KPNA6: variants seen among roughly 807,000 people sequenced by gnomAD.
KPNA6 encodes karyopherin subunit alpha 6.
KPNA6 carries 9 observed loss-of-function variants against 72.0 expected under a neutral mutation model. The ratio of observed to expected loss-of-function variants is 0.13; its 90% CI spans 0.08 to 0.22. The LOEUF is 0.22. Ranked by LOEUF, KPNA6 falls within the 10% of genes least tolerant of loss-of-function variation. The pLI is 1.00. For missense variants in KPNA6, 374 were observed against 655.7 expected, an observed-to-expected ratio of 0.57 and a Z score of 4.69; for synonymous variants, 219 against 242.1, an observed-to-expected ratio of 0.90 and a Z score of 0.89.
chr1:32,158,448 T>C, intron 5 of KPNA6, 87 bp downstream of exon 5: 2 of 750,794 alleles, frequency 2.7e-6, no homozygotes, highest in Non-Finnish European at 4.5e-6. Context: ...ATACATGAGA[T>C]GTTTTGACAC....
intron 1 of KPNA6, among the ~76,000 whole-genome samples, chr1:32,145,142 G>A (rs1641908196): frequency 6.6e-6 from 1 of 151,416 alleles, no homozygotes; most frequent in African/African-American, 2.4e-5. Flanking sequence ...TGTATTTTTA[G>A]TAGAGGCGGG....
rs540449818 is a variant in KPNA6, at chr1:32,108,105, G to A, written c.-26G>A. On this transcript the variant is annotated 5_prime_UTR_variant, in exon 1 of 14. Coordinates refer to ENST00000373625, the MANE Select transcript of KPNA6 (RefSeq NM_012316.5). ...TGAAGCTGCCGCCGTTGCCTCCGCCGCCAAGAGTGAGCGAGCGGACCCGCG... is the reference window on the plus strand; with the variant it reads ...TGAAGCTGCCGCCGTTGCCTCCGCCACCAAGAGTGAGCGAGCGGACCCGCG... 2.2e-5 allele frequency: 36 copies of A among 1,613,904 alleles called. No individual in the cohort carries two copies. In the South Asian group the frequency reaches 3.5e-4, roughly 16 times the overall value.
At chr1:32,162,867 G>A (rs1379284284) in intron 9 of KPNA6, among the ~76,000 whole-genome samples, 2 of 150,322 alleles carry the variant, frequency 1.3e-5, no homozygotes, top group Non-Finnish European at 3.0e-5. Flanking sequence ...CACTTTGGGA[G>A]GCTGAGGCGG....
chr1:32,159,270 T>C (rs1642196327), intron 5 of KPNA6, 130 bp from the exon 6 acceptor site: 1 of 893,588 alleles, frequency 1.1e-6, no homozygotes, highest in Non-Finnish European at 1.7e-6. Flanking sequence ...AGAGGCTTGC[T>C]TGTGTTTTGT....
At chr1:32,122,023 CA>C (rs1362296242) in intron 1 of KPNA6, among the ~76,000 whole-genome samples, 2 of 151,466 alleles carry the variant, frequency 1.3e-5, no homozygotes, top group African/African-American at 2.4e-5. Flanking sequence ...CCTGTAATCC[CA>C]GCAGTTTGGG....
intron 1 of KPNA6, among the ~76,000 whole-genome samples, chr1:32,150,431 C>T (rs12143813): frequency 0.023 from 3,427 of 151,836 alleles, 60 homozygotes; most frequent in Non-Finnish European, 0.033. Context: ...CCATGCCCTG[C>T]CAATTTTTAG....
intron 1 of KPNA6, chr1:32,142,806 T>C (rs1641862206): frequency 2.3e-6 from 1 of 429,602 alleles, no homozygotes; most frequent in Non-Finnish European, 3.9e-6. Flanking sequence ...ATCCCTGAGA[T>C]TCCAGATGTG....
rs1642259050 is a variant in KPNA6, at chr1:32,162,619, A to T, written c.911+95A>T. The T allele has an allele frequency of 3.7e-6, 5 of 1,367,764 alleles. No homozygotes were observed. The South Asian group carries it at 4.8e-5, about 13-fold the overall frequency. 84.7% of individuals were successfully genotyped at this position (1,367,764 alleles called of 1,614,324 possible). A position where few individuals can be genotyped will look rare whatever the true frequency, so the allele number is the denominator to read the frequency against. On this transcript the variant is annotated intron_variant, in intron 9 of 13. Coordinates refer to ENST00000373625, the MANE Select transcript of KPNA6 (RefSeq NM_012316.5). ...TGGGATGCCAAGGTGGGCGGATCAC[A>T]AGGTCAGGAGTTCGAGACCAGCCTG...
chr1:32,125,995 A>AAC (rs990334733), intron 1 of KPNA6, among the ~76,000 whole-genome samples: 1 of 151,370 alleles, frequency 6.6e-6, no homozygotes, highest in African/African-American at 2.4e-5. Context: ...AAAAAAAAAA[A>AAC]AAAAAACCTG....
chr1:32,168,522 T>C (rs1642378782), intron 12 of KPNA6, among the ~76,000 whole-genome samples: 1 of 152,202 alleles, frequency 6.6e-6, no homozygotes, highest in Non-Finnish European at 1.5e-5. Context: ...TATCTGAACA[T>C]TAGTGGAAAG....
chr1:32,148,621 G>A (rs1641974092), intron 1 of KPNA6, among the ~76,000 whole-genome samples: 1 of 145,576 alleles, frequency 6.9e-6, no homozygotes, highest in African/African-American at 2.6e-5. Flanking sequence ...GCTGGAGTGC[G>A]ATCTCGGCTC....
intron 1 of KPNA6, among the ~76,000 whole-genome samples, chr1:32,119,552 G>A (rs1473835299): frequency 1.3e-5 from 2 of 152,126 alleles, no homozygotes; most frequent in Non-Finnish European, 2.9e-5. Flanking sequence ...TTCTGGTGAA[G>A]TCCCAGATTT....
At chr1:32,167,807 T>C (rs1642365966) in intron 12 of KPNA6, among the ~76,000 whole-genome samples, 1 of 151,260 alleles carries the variant, frequency 6.6e-6, no homozygotes, top group South Asian at 2.1e-4. Context: ...TGAGCTGTGA[T>C]TGTACCACTG....
intron 1 of KPNA6, among the ~76,000 whole-genome samples, chr1:32,121,247 G>A (rs1408551182): frequency 6.6e-6 from 1 of 152,136 alleles, no homozygotes. Flanking sequence ...TAATGGTAGG[G>A]AATAAGAGAG....
Position 32,136,382 on chromosome 1 carries a change from C to T in KPNA6, c.5-18206C>T, listed in dbSNP as rs550856359. On this transcript the variant is annotated intron_variant, in intron 1 of 13. Coordinates refer to ENST00000373625, the MANE Select transcript of KPNA6 (RefSeq NM_012316.5). ...AGAGACAGGGTTTTACCATGTTGAC[C>T]AGGCTGGTCTCAAACTCCTGAACTG... 2.0e-5 allele frequency among the ~76,000 whole-genome samples: 3 copies of T among 152,194 alleles called. No individual in the cohort carries two copies. In the South Asian group the frequency reaches 6.2e-4, roughly 32 times the overall value.
At chr1:32,163,425 T>G in intron 10 of KPNA6, 112 bp downstream of exon 10, 1 of 744,786 alleles carries the variant, frequency 1.3e-6, no homozygotes. Flanking sequence ...TGGGAGGCAC[T>G]ATGGTCTAAG....
chr1:32,137,767 T>G (rs1444386896), intron 1 of KPNA6, among the ~76,000 whole-genome samples: 1 of 152,098 alleles, frequency 6.6e-6, no homozygotes, highest in Non-Finnish European at 1.5e-5. Flanking sequence ...TAAAAATCAG[T>G]TTCCTGAATT....
At chr1:32,158,170 TG>T in intron 4 of KPNA6, 96 bp from the exon 5 acceptor site, 1 of 709,736 alleles carries the variant, frequency 1.4e-6, no homozygotes, top group Non-Finnish European at 2.5e-6. Context: ...TTTGTAAGGG[TG>T]GTCAGAAGTG....
At chr1:32,120,756 C>T (rs1423014883) in intron 1 of KPNA6, among the ~76,000 whole-genome samples, 5 of 151,694 alleles carry the variant, frequency 3.3e-5, no homozygotes, top group Non-Finnish European at 7.4e-5. Flanking sequence ...TTAGTAGAGA[C>T]GGGGTTTCGC....
Sources: gnomAD v4.1 joint callset for allele counts (sites outside exome capture counted in the v4.1 genomes callset) on GRCh38, gnomAD v4.1.1 for gene constraint, MANE v1.5 for transcripts, NCBI Gene and HGNC (gene_info 2026-07-23, HGNC 2026-07-21) for gene names.